The following RARS1 variants were observed in gnomAD, a reference collection of about 807,000 sequenced individuals.
RARS1 encodes arginine--tRNA ligase, cytoplasmic.
RARS1 carries 75 observed loss-of-function variants against 78.7 expected under a neutral mutation model. The observed-to-expected ratio is 0.95, with a 90% CI of 0.79 to 1.15. RARS1 has a LOEUF of 1.15. RARS1 is among the 50% of genes most tolerant of loss of function. The pLI, the probability that RARS1 is intolerant of heterozygous loss-of-function variation, is 0.00. For missense variants in RARS1, 787 were observed against 787.5 expected (o/e 1.00, Z 0.01); for synonymous variants, 273 against 268.2 (o/e 1.02, Z -0.18).
rs765776466 is a variant in RARS1 at position 168,497,265 on chromosome 5, A to G, written c.739A>G (p.Met247Val). 2.5e-6 allele frequency: 4 copies of G among 1,589,382 alleles called. No homozygotes were observed. Among genetic ancestry groups the G allele is most frequent in the Admixed American group, 3.5e-5 (2 of 57,268 alleles). The change falls in exon 7 of 15, where the codon ATG (methionine) becomes GTG (valine). Residue 247 changes from methionine to valine, a missense_variant. Met to Val is a conservative substitution (Grantham distance 21, BLOSUM62 1). Coordinates refer to ENST00000231572, the MANE Select transcript of RARS1 (RefSeq NM_002887.4). ...AGGAGACTGGGGGACCCAGTTTGGCATGCTCATCGCTCACCTGCAAGACAA... is the reference window on the plus strand; with the variant it reads ...AGGAGACTGGGGGACCCAGTTTGGCGTGCTCATCGCTCACCTGCAAGACAA... The part of the protein sequence containing the change: ...HVGDWGTQFG[M>V]LIAHLQDKFP...
At position 168,495,340 on chromosome 5, in the gene RARS1, A is replaced by T. The variant is rs759746134; in HGVS notation, c.605A>T (p.Asn202Ile). Residue 202 changes from asparagine (N) to isoleucine (I), a missense_variant, in exon 6 of 15, where the codon AAT becomes ATT. By Grantham distance (149) the Asn-to-Ile change is moderately radical (BLOSUM62 -3). Transcript: ENST00000231572. ...KKVIVDFSSP[N>I]IAKEMHVGHL... Reference sequence around the variant, plus strand: ...GTTATAGTTGACTTTTCCTCCCCTAATATAGCTAAAGAGATGCATGTAGGC... The same window carrying T: ...GTTATAGTTGACTTTTCCTCCCCTATTATAGCTAAAGAGATGCATGTAGGC... 1.9e-6 allele frequency: 3 copies of T among 1,613,816 alleles called. No homozygotes were observed. The highest frequency in any genetic ancestry group is 2.5e-6 in the Non-Finnish European group (3 of 1,179,836).
intron 5 of RARS1, 122 bp from the exon 6 acceptor site, chr5:168,495,193 T>C (rs1758158887): frequency 7.1e-7 from 1 of 1,418,098 alleles, no homozygotes. Flanking sequence ...AGTCTGAGTT[T>C]GTTATTAAAT....
chr5:168,492,519 T>A (rs1159383894), intron 2 of RARS1, 140 bp from the exon 3 acceptor site: 1 of 657,216 alleles, frequency 1.5e-6, no homozygotes, highest in Non-Finnish European at 2.5e-6. Flanking sequence ...AAATCCCAGA[T>A]TGAGGGCATC....
intron 12 of RARS1, 77 bp downstream of exon 12, chr5:168,510,763 G>A (rs1758548633): frequency 1.1e-5 from 12 of 1,072,786 alleles, no homozygotes; most frequent in Non-Finnish European, 1.6e-5. Context: ...AGAGAACTGA[G>A]GAGAAGTGTG....
intron 12 of RARS1, among the ~76,000 whole-genome samples, chr5:168,513,148 C>A (rs1284536496): frequency 6.6e-6 from 1 of 151,538 alleles, no homozygotes; most frequent in African/African-American, 2.4e-5. Context: ...CATGTTCACG[C>A]CATTCTCCTG....
At chr5:168,495,247 T>C in intron 5 of RARS1, 68 bp from the exon 6 acceptor site, 2 of 1,539,870 alleles carry the variant, frequency 1.3e-6, no homozygotes, top group Non-Finnish European at 1.8e-6. Flanking sequence ...TATGCTCCTC[T>C]TAAAAAAATC....
chr5:168,496,778 C>T (rs977772405), intron 6 of RARS1, among the ~76,000 whole-genome samples: 1 of 152,128 alleles, frequency 6.6e-6, no homozygotes, highest in African/African-American at 2.4e-5. Flanking sequence ...GCCATTGCAC[C>T]CGGCCTCAAC....
chr5:168,517,593 G>A (rs928188134), intron 13 of RARS1, among the ~76,000 whole-genome samples: 1 of 152,104 alleles, frequency 6.6e-6, no homozygotes, highest in East Asian at 1.9e-4. Flanking sequence ...TAAATACCTA[G>A]AAAGTGTCAC....
At chr5:168,493,174 A>G (rs947323674) in intron 3 of RARS1, 10 of 185,172 alleles carry the variant, frequency 5.4e-5, no homozygotes, top group Non-Finnish European at 7.9e-5. Context: ...AAAATAAGCC[A>G]TTTACCAGTC....
chr5:168,492,999 T>G (rs1758117971), intron 3 of RARS1, 152 bp downstream of exon 3: 1 of 715,052 alleles, frequency 1.4e-6, no homozygotes, highest in South Asian at 3.2e-5. Flanking sequence ...GTTGGGGGGG[T>G]ATATGTTTTA....
rs571697409 is a variant in RARS1, at chr5:168,508,309, C to T, written c.1346+1478C>T. 8.6e-4 allele frequency among the ~76,000 whole-genome samples: 131 copies of T among 151,600 alleles called. 1 individual carries two copies. Among genetic ancestry groups the T allele is most frequent in the African/African-American group, 2.9e-3 (118 of 41,388 alleles). Reference sequence around the variant, plus strand: ...ATGTAGTTATAGTATCCTATCCCACCCGCCTTTTTTTTTTTTATTTTTTAA... The same window carrying T: ...ATGTAGTTATAGTATCCTATCCCACTCGCCTTTTTTTTTTTTATTTTTTAA... On this transcript the variant is annotated intron_variant, in intron 11 of 14. Coordinates refer to ENST00000231572, the MANE Select transcript of RARS1 (RefSeq NM_002887.4).
At position 168,502,995 on chromosome 5, in the gene RARS1, T is replaced by C. The variant is rs115864473; in HGVS notation, c.1057+890T>C. ...TATTTGTCCTAAATAATTTCCCATA[T>C]GGAACTATTTAGCATAATTCCTTGT... is the stretch of plus-strand genomic sequence containing the variant. On this transcript the variant is annotated intron_variant, in intron 9 of 14. Transcript: ENST00000231572. 8.0e-3 allele frequency among the ~76,000 whole-genome samples: 1,222 copies of C among 152,380 alleles called. 18 individuals carry two copies. Among genetic ancestry groups the C allele is most frequent in the African/African-American group, 0.028 (1,162 of 41,598 alleles).
intron 14 of RARS1, 33 bp downstream of exon 14, chr5:168,518,095 T>TTTTTTTTTG: frequency 1.5e-6 from 2 of 1,338,146 alleles, no homozygotes; most frequent in East Asian, 3.1e-5. Context: ...TTTTTTTTTT[T>TTTTTTTTTG]AGTGAGAGAC....
In RARS1 at chr5:168,495,442, T is replaced by A. The variant is rs759766825; in HGVS notation, c.701+6T>A. 3.7e-6 allele frequency: 6 copies of A among 1,611,520 alleles called. No individual in the cohort carries two copies. The highest frequency in any genetic ancestry group is 5.1e-6 in the Non-Finnish European group (6 of 1,178,516). Reference sequence around the variant, plus strand: ...GCAGGGTATGACGTGCTCAGGTATGTGCTCTTGCCTTGCGTACTATTCTCT... The same window carrying A: ...GCAGGGTATGACGTGCTCAGGTATGAGCTCTTGCCTTGCGTACTATTCTCT... On this transcript the variant is annotated splice_donor_region_variant and intron_variant, in intron 6 of 14. Coordinates refer to ENST00000231572, the MANE Select transcript of RARS1 (RefSeq NM_002887.4).
chr5:168,487,812 G>T (rs998874407), intron 1 of RARS1, among the ~76,000 whole-genome samples: 6 of 152,166 alleles, frequency 3.9e-5, no homozygotes, highest in African/African-American at 1.4e-4. Flanking sequence ...GCCTGGTCTG[G>T]TCTAGTCTAG....
At chr5:168,500,797 C>CT in intron 8 of RARS1, 77 bp downstream of exon 8, 5 of 1,488,828 alleles carry the variant, frequency 3.4e-6, no homozygotes, top group Non-Finnish European at 4.5e-6. Context: ...TTTGATTTGA[C>CT]TTTGAGTGAT....
In RARS1 at chr5:168,497,261, T is replaced by A. The variant is rs1444589998; in HGVS notation, c.735T>A (p.Phe245Leu). The change falls in exon 7 of 15, where the codon TTT becomes TTA. Residue 245 changes from phenylalanine (F) to leucine (L), a missense_variant. Phe to Leu is a conservative substitution (Grantham distance 22). Coordinates refer to ENST00000231572, the MANE Select transcript of RARS1 (RefSeq NM_002887.4). ...LNHVGDWGTQ[F>L]GMLIAHLQDK... The stretch of plus-strand genomic sequence containing the variant: ...ATGTAGGAGACTGGGGGACCCAGTT[T>A]GGCATGCTCATCGCTCACCTGCAAG... 6.3e-7 allele frequency: 1 copy of A among 1,587,670 alleles called. No homozygotes were observed. Among genetic ancestry groups the A allele is most frequent in the Non-Finnish European group, 8.6e-7 (1 of 1,165,494 alleles).
Position 168,500,638 on chromosome 5 carries a change from A to C in RARS1, c.870A>C (p.Ala290=), listed in dbSNP as rs766989633. ...FDTEEEFKKR[A]YQCVVLLQGK... is the part of the protein sequence containing the mutation. ...CTGAGGAGGAATTTAAGAAGCGAGC[A>C]TATCAGTGTGTAGTTCTGCTCCAGG... Residue 290 remains alanine, a synonymous_variant, in exon 8 of 15, where the codon GCA becomes GCC. Transcript: ENST00000231572. 2 of 1,607,276 alleles carry C rather than the reference A, an allele frequency of 1.2e-6. No individual in the cohort carries two copies. The highest frequency in any genetic ancestry group is 1.7e-6 in the Non-Finnish European group (2 of 1,177,940).
chr5:168,506,111 C>T lies in RARS1; in HGVS notation c.1148C>T (p.Thr383Ile). 6.2e-7 allele frequency: 1 copy of T among 1,602,056 alleles called. No individual in the cohort carries two copies. The highest frequency in any genetic ancestry group is 1.1e-5 in the South Asian group (1 of 89,232). The change falls in exon 10 of 15, where the codon ACC becomes ATC. Residue 383 changes from threonine (T) to isoleucine (I), a missense_variant. Thr to Ile is a moderately conservative substitution (Grantham distance 89). Transcript: ENST00000231572. ...LTIVKSDGGY[T>I]YDTSDLAAIK... Reference sequence around the variant, plus strand: ...ATAGTAAAATCAGATGGAGGTTATACCTATGATACATCTGACCTGGCTGCT... The same window carrying T: ...ATAGTAAAATCAGATGGAGGTTATATCTATGATACATCTGACCTGGCTGCT...
Sources: allele counts gnomAD v4.1 joint callset (sites outside exome capture counted in the v4.1 genomes callset), GRCh38; gene constraint gnomAD v4.1.1; transcripts MANE v1.5; gene names NCBI Gene and HGNC (gene_info 2026-07-23, HGNC 2026-07-21).